Variants in DIAPH2 observed in about 807,000 individuals in gnomAD.
DIAPH2 encodes diaphanous related formin 2.
Under a neutral mutation model 92.7 loss-of-function variants are expected in DIAPH2, and 35 were observed. That is an observed-to-expected ratio of 0.38 (90% CI 0.29 to 0.50). The LOEUF is 0.50. DIAPH2 is among the 20% of genes least tolerant of loss of function. DIAPH2 has a pLI of 0.94. For synonymous variants in DIAPH2, 301 were observed against 280.4 expected (o/e 1.07, Z -0.73); for missense variants, 701 against 819.5 (o/e 0.86, Z 1.77).
intron 4 of DIAPH2, among the ~76,000 whole-genome samples, chrX:96,809,716 G>A (rs1314605245): frequency 1.8e-5 from 2 of 110,849 alleles, no homozygotes; most frequent in Admixed American, 9.6e-5. Context: ...CCCACCCTGT[G>A]TCCAAGTGTT....
chrX:96,934,894 G>A (rs186186532), intron 10 of DIAPH2, among the ~76,000 whole-genome samples: 2 of 111,382 alleles, frequency 1.8e-5, no homozygotes, highest in Non-Finnish European at 3.8e-5. Flanking sequence ...AAATGGTGTT[G>A]GTAGGCAGTG....
At chrX:97,119,203 T>C (rs1212017187) in intron 21 of DIAPH2, among the ~76,000 whole-genome samples, 2 of 111,142 alleles carry the variant, frequency 1.8e-5, no homozygotes, top group Non-Finnish European at 3.8e-5. Flanking sequence ...AGGGAAAATC[T>C]AGGGCTGAAG....
chrX:97,269,751 A>ATTTTTT (rs1318136033), intron 23 of DIAPH2, among the ~76,000 whole-genome samples: 1 of 94,766 alleles, frequency 1.1e-5, no homozygotes, highest in African/African-American at 4.5e-5. Flanking sequence ...TACTATTTTT[A>ATTTTTT]TTTTTTTTTT....
At chrX:96,940,064 A>G (rs1237782100) in intron 12 of DIAPH2, among the ~76,000 whole-genome samples, 1 of 110,514 alleles carries the variant, frequency 9.0e-6, no homozygotes, top group Non-Finnish European at 1.9e-5. Context: ...TTTGGTAGCA[A>G]TGAACCCAAC....
At chrX:97,273,733 G>GT (rs1386780915) in intron 23 of DIAPH2, among the ~76,000 whole-genome samples, 1 of 111,997 alleles carries the variant, frequency 8.9e-6, no homozygotes, top group Non-Finnish European at 1.9e-5. Flanking sequence ...CCAGGAGTCT[G>GT]TTTGACTAAT....
intron 4 of DIAPH2, among the ~76,000 whole-genome samples, chrX:96,837,984 A>G (rs1444736827): frequency 8.9e-6 from 1 of 111,917 alleles, no homozygotes; most frequent in East Asian, 2.8e-4. Flanking sequence ...TCAAATTGGG[A>G]GATCGTGACT....
chrX:97,534,918 G>C (rs1602653992), intron 26 of DIAPH2, among the ~76,000 whole-genome samples: 1 of 111,274 alleles, frequency 9.0e-6, no homozygotes. Flanking sequence ...TGTCTTCCCC[G>C]AGAACATATA....
intron 1 of DIAPH2, among the ~76,000 whole-genome samples, chrX:96,686,098 CA>C (rs2063769243): frequency 9.0e-6 from 1 of 111,707 alleles, no homozygotes; most frequent in African/African-American, 3.3e-5. Context: ...TTTTCCTGTA[CA>C]AATTCAGCAG....
chrX:97,152,273 G>A (rs369751107), intron 22 of DIAPH2, among the ~76,000 whole-genome samples: 1 of 111,833 alleles, frequency 8.9e-6, no homozygotes, highest in East Asian at 2.8e-4. Flanking sequence ...CAGTACCATT[G>A]CTGTTGTGAT....
intron 22 of DIAPH2, among the ~76,000 whole-genome samples, chrX:97,176,629 G>A (rs2067494153): frequency 9.0e-6 from 1 of 111,089 alleles, no homozygotes; most frequent in African/African-American, 3.3e-5. Context: ...CTGGGTTCAC[G>A]CCATTGTCCT....
At chrX:97,239,364 T>C (rs2068073540) in intron 22 of DIAPH2, among the ~76,000 whole-genome samples, 1 of 111,842 alleles carries the variant, frequency 8.9e-6, no homozygotes, top group South Asian at 3.8e-4. Flanking sequence ...GGAAAAAGTA[T>C]ATGTATATTT....
At chrX:97,593,709 GA>G (rs2071532279) in intron 26 of DIAPH2, among the ~76,000 whole-genome samples, 1 of 110,647 alleles carries the variant, frequency 9.0e-6, no homozygotes, top group South Asian at 3.8e-4. Flanking sequence ...ACAAACAAAG[GA>G]AAATATTTCT....
chrX:97,199,443 C>G (rs889601550), intron 22 of DIAPH2, among the ~76,000 whole-genome samples: 5 of 111,289 alleles, frequency 4.5e-5, no homozygotes, highest in African/African-American at 1.6e-4. Context: ...TGGCATAATT[C>G]TACACTCCAG....
intron 26 of DIAPH2, among the ~76,000 whole-genome samples, chrX:97,573,203 A>C (rs191112108): frequency 9.0e-5 from 10 of 111,565 alleles, no homozygotes; most frequent in Non-Finnish European, 1.7e-4. Context: ...CAAATCTAAT[A>C]ATTGTTCTAC....
chrX:96,885,301 A>C, intron 5 of DIAPH2: 1 of 400,250 alleles, frequency 2.5e-6, no homozygotes, highest in East Asian at 4.1e-5. Flanking sequence ...ATAAATTGAC[A>C]ACTCTGTAGG....
chrX:97,269,150 C>A (rs755915277), intron 23 of DIAPH2, among the ~76,000 whole-genome samples: 8 of 111,632 alleles, frequency 7.2e-5, no homozygotes, highest in African/African-American at 2.6e-4. Flanking sequence ...CCACCGTGCC[C>A]GGCCTCAGGC....
intron 26 of DIAPH2, among the ~76,000 whole-genome samples, chrX:97,550,858 G>A (rs1395132496): frequency 4.5e-5 from 5 of 111,532 alleles, no homozygotes; most frequent in Non-Finnish European, 9.4e-5. Context: ...GAGGAGCCAG[G>A]TGAATGAAAG....
chrX:96,721,683 A>G (rs1164995015), intron 1 of DIAPH2, among the ~76,000 whole-genome samples: 1 of 111,942 alleles, frequency 8.9e-6, no homozygotes, highest in Non-Finnish European at 1.9e-5. Flanking sequence ...TCCCTCTACT[A>G]TGATGGGTCA....
chrX:97,137,939 G>A (rs758937486), intron 21 of DIAPH2, among the ~76,000 whole-genome samples: 1 of 112,234 alleles, frequency 8.9e-6, no homozygotes, highest in East Asian at 2.8e-4. Flanking sequence ...TTTATTTGGA[G>A]AACAGGACGG....
Sources: allele counts gnomAD v4.1 joint callset (sites outside exome capture counted in the v4.1 genomes callset), GRCh38; gene constraint gnomAD v4.1.1; transcripts MANE v1.5; gene names NCBI Gene and HGNC (gene_info 2026-07-23, HGNC 2026-07-21).